The following EFCAB13 variants were observed in gnomAD, a reference collection of about 807,000 sequenced individuals.
EFCAB13 encodes the protein EF-hand calcium binding domain 13.
In EFCAB13, 91 loss-of-function variants were observed where a neutral mutation model predicts 110.2. That is an observed-to-expected ratio of 0.83 (90% CI 0.70 to 0.98). The LOEUF is 0.98. EFCAB13 is among the 50% of genes least tolerant of loss of function. The probability of loss-of-function intolerance (pLI) is 0.00; values close to 1 mark genes in which losing one functional copy is unlikely to be tolerated. For synonymous variants in EFCAB13, 323 were observed against 369.9 expected (o/e 0.87, Z 1.45); for missense variants, 968 against 1,119.4 (o/e 0.86, Z 1.93).
chr17:47,401,076 T>C (rs1164421748), intron 17 of EFCAB13, among the ~76,000 whole-genome samples: 1 of 152,152 alleles, frequency 6.6e-6, no homozygotes, highest in Non-Finnish European at 1.5e-5. Context: ...TAGTGATATA[T>C]AGGACTCTAC....
At chr17:47,330,011 T>C (rs2065310437) in intron 4 of EFCAB13, 1 of 152,198 alleles carries the variant, frequency 6.6e-6, no homozygotes, top group East Asian at 1.9e-4. Flanking sequence ...ACTTCCTTGG[T>C]AATCTTTATA....
At chr17:47,420,017 G>A (rs2143487365) in intron 23 of EFCAB13, among the ~76,000 whole-genome samples, 1 of 152,072 alleles carries the variant, frequency 6.6e-6, no homozygotes, top group African/African-American at 2.4e-5. Flanking sequence ...GGACTGTACT[G>A]CTGCCATCTC....
intron 4 of EFCAB13, among the ~76,000 whole-genome samples, chr17:47,334,755 A>G (rs749811572): frequency 6.6e-6 from 1 of 152,214 alleles, no homozygotes; most frequent in Non-Finnish European, 1.5e-5. Context: ...GTCTCTACGA[A>G]TAATAAAAAA....
intron 2 of EFCAB13, among the ~76,000 whole-genome samples, chr17:47,325,170 T>A (rs2143197954): frequency 6.7e-6 from 1 of 149,450 alleles, no homozygotes; most frequent in East Asian, 2.0e-4. Flanking sequence ...AAGGTCGCCA[T>A]GTCCAGCTGA....
rs754342070 is a variant in EFCAB13 at position 47,347,798 on chromosome 17, G to A, written c.518-10G>A. The A allele has an allele frequency of 4.9e-6, 7 of 1,421,730 alleles. No individual in the cohort carries two copies. In the African/African-American group the frequency reaches 8.6e-5, roughly 17 times the overall value. 88.1% of individuals were successfully genotyped at this position (1,421,730 alleles called of 1,614,324 possible). A position where few individuals can be genotyped will look rare whatever the true frequency, so the allele number is the denominator to read the frequency against. On this transcript the variant is annotated splice_polypyrimidine_tract_variant and intron_variant, in intron 8 of 24. Transcript: ENST00000331493. ...ATTAACTAACTAAATGTTTTGTTATGTGTGTGCAGCACTTCATAAAGCCTG... is the reference window on the plus strand; with the variant it reads ...ATTAACTAACTAAATGTTTTGTTATATGTGTGCAGCACTTCATAAAGCCTG...
At position 47,335,162 on chromosome 17, in the gene EFCAB13, G is replaced by A. The variant is rs774426381; in HGVS notation, c.31-34G>A. ...CATATTTAATATGTATGTGCAAAGA[G>A]GACATGCTTGATTGTGGCTCTTATA... On this transcript the variant is annotated intron_variant, in intron 4 of 24. Coordinates refer to ENST00000331493, the MANE Select transcript of EFCAB13 (RefSeq NM_152347.5). 9.6e-6 allele frequency: 15 copies of A among 1,556,502 alleles called. No homozygotes were observed. The South Asian group carries it at 1.2e-4, about 13-fold the overall frequency.
At chr17:47,359,923 A>G (rs1433918749) in intron 9 of EFCAB13, among the ~76,000 whole-genome samples, 2 of 150,472 alleles carry the variant, frequency 1.3e-5, no homozygotes, top group South Asian at 2.1e-4. Flanking sequence ...ATGATTTCCA[A>G]TTTCATCCAT....
At chr17:47,386,895 C>T (rs974573952) in intron 14 of EFCAB13, among the ~76,000 whole-genome samples, 5 of 152,000 alleles carry the variant, frequency 3.3e-5, no homozygotes, top group Middle Eastern at 3.4e-3. Context: ...CCCTCCCCGC[C>T]GCCGCCTGCT....
In EFCAB13 at chr17:47,392,988, G is replaced by A. The variant is rs1305283659; in HGVS notation, c.1727-1037G>A. Among the ~76,000 whole-genome samples, 5 of 152,086 alleles carry A rather than the reference G, an allele frequency of 3.3e-5. No individual in the cohort carries two copies. In the East Asian group the frequency reaches 9.6e-4, roughly 29 times the overall value. On this transcript the variant is annotated intron_variant, in intron 15 of 24. Transcript: ENST00000331493. ...ACTTTTACAAACCAACAACTCAACA[G>A]ATATTATAGAAGTTTTCCACATGAA...
At chr17:47,405,045 TCTTTA>T (rs1453060999) in intron 20 of EFCAB13, among the ~76,000 whole-genome samples, 1 of 152,120 alleles carries the variant, frequency 6.6e-6, no homozygotes, top group Non-Finnish European at 1.5e-5. Flanking sequence ...TAGGCTTTCT[TCTTTA>T]CATCTGTCCA....
intron 15 of EFCAB13, among the ~76,000 whole-genome samples, chr17:47,393,482 T>C (rs2065719495): frequency 6.6e-6 from 1 of 152,166 alleles, no homozygotes; most frequent in Non-Finnish European, 1.5e-5. Context: ...AGCATGATAT[T>C]CATCCACAGA....
intron 24 of EFCAB13, among the ~76,000 whole-genome samples, chr17:47,438,037 T>C (rs1464045356): frequency 6.6e-6 from 1 of 152,200 alleles, no homozygotes; most frequent in African/African-American, 2.4e-5. Flanking sequence ...CCTTCATATA[T>C]GATGCTTAGT....
Position 47,431,123 on chromosome 17 carries a change from T to C in EFCAB13, c.2638+1162T>C, listed in dbSNP as rs145976343. Among the ~76,000 whole-genome samples the C allele has an allele frequency of 1.3e-5, 2 of 152,182 alleles. No individual in the cohort carries two copies. Among genetic ancestry groups the C allele is most frequent in the East Asian group, 3.9e-4 (2 of 5,184 alleles). On this transcript the variant is annotated intron_variant, in intron 24 of 24. Transcript: ENST00000331493. This position sits in a 1 kb window ranked among gnomAD's most constrained non-coding sequence, Gnocchi z 4.1. ...TTCTTTGTGTTAGAAACATTCCAAT[T>C]TCACTCTTTGTTATTTTGAAATATA...
intron 9 of EFCAB13, among the ~76,000 whole-genome samples, chr17:47,355,400 C>A (rs1052963282): frequency 6.6e-6 from 1 of 152,132 alleles, no homozygotes; most frequent in East Asian, 1.9e-4. Context: ...GTTCTTTGAG[C>A]TTTTTGTATT....
At position 47,374,805 on chromosome 17, in the gene EFCAB13, A is replaced by G; in HGVS notation, c.1211A>G (p.Lys404Arg). 6.2e-7 allele frequency: 1 copy of G among 1,614,102 alleles called. No individual in the cohort carries two copies. The highest frequency in any genetic ancestry group is 8.5e-7 in the Non-Finnish European group (1 of 1,179,994). The stretch of plus-strand genomic sequence containing the variant: ...GAGAAGGGTGAAATTCATGACTCAA[A>G]GTCTAAACCACAAAGCTTGAAGAGT... ...HSEKGEIHDS[K>R]SKPQSLKSST... The change falls in exon 12 of 25, where the codon AAG becomes AGG. Residue 404 changes from lysine (K) to arginine (R), a missense_variant. Coordinates refer to ENST00000331493, the MANE Select transcript of EFCAB13 (RefSeq NM_152347.5).
intron 17 of EFCAB13, among the ~76,000 whole-genome samples, chr17:47,400,552 C>T (rs569737509): frequency 3.3e-5 from 5 of 152,188 alleles, no homozygotes; most frequent in South Asian, 4.1e-4. Context: ...TACCTGTTGA[C>T]GTCAGATGGC....
chr17:47,393,755 A>AAAAT (rs1555583993), intron 15 of EFCAB13, among the ~76,000 whole-genome samples: 8 of 117,998 alleles, frequency 6.8e-5, no homozygotes, highest in African/African-American at 2.2e-4. Flanking sequence ...TAAATAAATA[A>AAAAT]AAATAAAAAT....
chr17:47,332,536 G>A (rs1398485552), intron 4 of EFCAB13, among the ~76,000 whole-genome samples: 1 of 151,870 alleles, frequency 6.6e-6, no homozygotes. Flanking sequence ...TTTGATCAAT[G>A]TCTTCCCATT....
At chr17:47,346,823 C>T (rs1423021669) in intron 8 of EFCAB13, among the ~76,000 whole-genome samples, 1 of 152,120 alleles carries the variant, frequency 6.6e-6, no homozygotes, top group Non-Finnish European at 1.5e-5. Context: ...TTCAGAGAAG[C>T]CTTTTGAAGG....
Sources: allele counts gnomAD v4.1 joint callset (sites outside exome capture counted in the v4.1 genomes callset), GRCh38; gene constraint gnomAD v4.1.1; non-coding constraint Gnocchi (gnomAD v3.1); transcripts MANE v1.5; gene names NCBI Gene and HGNC (gene_info 2026-07-23, HGNC 2026-07-21).